DAW1: variants seen among roughly 807,000 people sequenced by gnomAD.
DAW1 encodes the protein dynein assembly factor with WD repeat domains 1.
Under a neutral mutation model 56.5 loss-of-function variants are expected in DAW1, and 47 were observed. The observed-to-expected ratio is 0.83, with a 90% confidence interval of 0.66 to 1.06. The LOEUF is 1.06. DAW1 is among the 50% of genes least tolerant of loss of function. The pLI is 0.00. For missense variants in DAW1, 505 were observed against 499.3 expected, an observed-to-expected ratio of 1.01 and a Z score of -0.11; for synonymous variants, 190 against 179.0, an observed-to-expected ratio of 1.06 and a Z score of -0.49.
chr2:227,907,130 A>C lies in DAW1; in HGVS notation c.859-8A>C, dbSNP rs764383272. The C allele has an allele frequency of 1.3e-6, 2 of 1,583,772 alleles. No individual in the cohort carries two copies. Among genetic ancestry groups the C allele is most frequent in the African/African-American group, 2.8e-5 (2 of 71,970 alleles). On this transcript the variant is annotated splice_polypyrimidine_tract_variant and splice_region_variant and intron_variant, in intron 9 of 12. Coordinates refer to ENST00000309931, the MANE Select transcript of DAW1 (RefSeq NM_178821.3). ...TTTTTTTTTTGTTTTTTGTTCTTTTAATTGTAGCTGTGGGATGCTACAAAT... is the reference window on the plus strand; with the variant it reads ...TTTTTTTTTTGTTTTTTGTTCTTTTCATTGTAGCTGTGGGATGCTACAAAT...
intron 10 of DAW1, among the ~76,000 whole-genome samples, chr2:227,914,222 G>A (rs1205645274): frequency 6.6e-6 from 1 of 151,952 alleles, no homozygotes; most frequent in Non-Finnish European, 1.5e-5. Context: ...CTATGATCCT[G>A]TACTGAGGAT....
At chr2:227,875,107 C>G (rs972192465) in intron 1 of DAW1, among the ~76,000 whole-genome samples, 1 of 152,204 alleles carries the variant, frequency 6.6e-6, no homozygotes, top group African/African-American at 2.4e-5. Flanking sequence ...TTCCCCATCT[C>G]AGCAAATTGC....
At chr2:227,882,787 A>G (rs1413586839) in intron 1 of DAW1, among the ~76,000 whole-genome samples, 1 of 152,194 alleles carries the variant, frequency 6.6e-6, no homozygotes, top group South Asian at 2.1e-4. Flanking sequence ...ACAAGATCTG[A>G]TGGTTTTATA....
intron 2 of DAW1, 38 bp downstream of exon 2, chr2:227,885,461 T>C: frequency 6.6e-7 from 1 of 1,504,834 alleles, no homozygotes; most frequent in Non-Finnish European, 9.1e-7. Context: ...AAATGTTCAC[T>C]GGGAAGCCTT....
chr2:227,902,862 G>A (rs1691578436), intron 6 of DAW1, 140 bp from the exon 7 acceptor site: 7 of 783,656 alleles, frequency 8.9e-6, no homozygotes, highest in South Asian at 7.5e-5. Context: ...CCTGGGGGTA[G>A]CAGGTCACAC....
chr2:227,922,729 C>T (rs1692141512), intron 12 of DAW1, among the ~76,000 whole-genome samples: 1 of 152,168 alleles, frequency 6.6e-6, no homozygotes, highest in African/African-American at 2.4e-5. Context: ...GGACAGTTTC[C>T]GAAATCACAG....
chr2:227,886,822 C>G (rs1224467823), intron 2 of DAW1, among the ~76,000 whole-genome samples: 2 of 152,102 alleles, frequency 1.3e-5, no homozygotes, highest in African/African-American at 4.8e-5. Flanking sequence ...CATCCTACTT[C>G]AAGAGAGAGT....
intron 5 of DAW1, 94 bp downstream of exon 5, chr2:227,894,011 T>C: frequency 7.5e-7 from 1 of 1,334,976 alleles, no homozygotes; most frequent in South Asian, 1.5e-5. Context: ...AGGTCTAAAT[T>C]TATTGAGTGC....
At chr2:227,884,562 G>T (rs13405511) in intron 1 of DAW1, among the ~76,000 whole-genome samples, 19,826 of 152,038 alleles carry the variant, frequency 0.13, 1,373 homozygotes, top group East Asian at 0.25. Context: ...TGTTTTTTCG[G>T]GTACTGCTAA....
intron 10 of DAW1, among the ~76,000 whole-genome samples, chr2:227,916,291 G>A (rs2106214492): frequency 6.6e-6 from 1 of 152,208 alleles, no homozygotes; most frequent in Non-Finnish European, 1.5e-5. Flanking sequence ...GATATTATGA[G>A]TAATCTCACT....
At chr2:227,903,504 AAAAGTCTG>A (rs1447951664) in intron 7 of DAW1, among the ~76,000 whole-genome samples, 6 of 152,186 alleles carry the variant, frequency 3.9e-5, no homozygotes, top group Non-Finnish European at 8.8e-5. Context: ...CCTGTATCAC[AAAAGTCTG>A]AAATGACAGA....
intron 9 of DAW1, among the ~76,000 whole-genome samples, 198 bp downstream of exon 9, chr2:227,906,536 T>G (rs945172129): frequency 6.6e-6 from 1 of 152,198 alleles, no homozygotes; most frequent in Non-Finnish European, 1.5e-5. Context: ...GTAAAGCAAT[T>G]TGAATTGCTT....
chr2:227,878,444 G>A (rs1170747096), intron 1 of DAW1, among the ~76,000 whole-genome samples: 1 of 152,196 alleles, frequency 6.6e-6, no homozygotes, highest in African/African-American at 2.4e-5. Context: ...TTGATCAACT[G>A]GGCATGGTGG....
chr2:227,889,771 G>A, intron 2 of DAW1, 85 bp from the exon 3 acceptor site: 5 of 1,138,992 alleles, frequency 4.4e-6, no homozygotes, highest in African/African-American at 1.6e-5. Flanking sequence ...GCTTCATGAA[G>A]CAATACAATC....
At chr2:227,898,090 A>AT (rs2106200174) in intron 5 of DAW1, 92 bp from the exon 6 acceptor site, 1 of 730,800 alleles carries the variant, frequency 1.4e-6, no homozygotes. Context: ...AGTGAAGTAA[A>AT]TTTTTTACTC....
At chr2:227,878,350 G>A (rs1448619086) in intron 1 of DAW1, among the ~76,000 whole-genome samples, 1 of 152,168 alleles carries the variant, frequency 6.6e-6, no homozygotes, top group East Asian at 1.9e-4. Flanking sequence ...TACAGAACTT[G>A]TATGTTTAAA....
intron 1 of DAW1, among the ~76,000 whole-genome samples, chr2:227,877,733 T>C (rs1005540156): frequency 1.3e-5 from 2 of 152,248 alleles, no homozygotes; most frequent in African/African-American, 4.8e-5. Context: ...GGGTTCCTGC[T>C]GCTATGGAAA....
Position 227,923,937 on chromosome 2 carries a change from G to GC in DAW1, c.1218dup (p.Lys407GlnfsTer3). On this transcript the variant is annotated frameshift_variant, in exon 13 of 13. Transcript: ENST00000309931. LOFTEE classifies it high-confidence loss of function. ...TGCATGAAATCTGTTTTATTAGGCA[G>GC]CAAGGATAATACCTGTAGGATATGG... is the stretch of plus-strand genomic sequence containing the variant. 11 of 1,613,948 alleles carry GC rather than the reference G, an allele frequency of 6.8e-6. No individual in the cohort carries two copies. The highest frequency in any genetic ancestry group is 9.3e-6 in the Non-Finnish European group (11 of 1,179,868).
intron 10 of DAW1, among the ~76,000 whole-genome samples, chr2:227,917,084 G>A (rs1248196064): frequency 1.3e-5 from 2 of 151,952 alleles, no homozygotes; most frequent in African/African-American, 4.8e-5. Context: ...CTATGTCTGT[G>A]TCGTCTCCCT....
Sources: allele counts gnomAD v4.1 joint callset (sites outside exome capture counted in the v4.1 genomes callset), GRCh38; gene constraint gnomAD v4.1.1; transcripts MANE v1.5; gene names NCBI Gene and HGNC (gene_info 2026-07-23, HGNC 2026-07-21).